The following CREB5 variants were observed in gnomAD, a reference collection of about 807,000 sequenced individuals.
CREB5 encodes the protein cAMP responsive element binding protein 5.
A neutral mutation model predicts 57.1 loss-of-function variants in CREB5; 19 were observed. That is an observed-to-expected ratio of 0.33 (90% CI 0.23 to 0.49). The LOEUF is 0.49. Among genes scored for constraint, CREB5 ranks in the 20% least tolerant of loss-of-function variants. The probability of loss-of-function intolerance (pLI) is 0.99; values close to 1 mark genes in which losing one functional copy is unlikely to be tolerated. For synonymous variants in CREB5, 238 were observed against 238.3 expected, an observed-to-expected ratio of 1.00 and a Z score of 0.01; for missense variants, 579 against 671.6, an observed-to-expected ratio of 0.86 and a Z score of 1.52.
intron 4 of CREB5, among the ~76,000 whole-genome samples, chr7:28,513,183 C>G (rs1792790543): frequency 6.6e-6 from 1 of 152,220 alleles, no homozygotes; most frequent in African/African-American, 2.4e-5. Flanking sequence ...AGCCGCTAGC[C>G]AGCATCGCTG....
intron 1 of CREB5, among the ~76,000 whole-genome samples, chr7:28,393,768 T>C (rs2127998287): frequency 6.6e-6 from 1 of 152,166 alleles, no homozygotes; most frequent in East Asian, 1.9e-4. Context: ...ACCTGTGAAA[T>C]GGTGTAGTGT....
intron 1 of CREB5, among the ~76,000 whole-genome samples, chr7:28,385,755 T>A (rs533457828): frequency 1.3e-5 from 2 of 152,056 alleles, no homozygotes; most frequent in African/African-American, 4.8e-5. Flanking sequence ...GTTTTTAGAA[T>A]AAAAATATAA....
At chr7:28,319,693 A>C (rs1463365825) in intron 1 of CREB5, among the ~76,000 whole-genome samples, 1 of 152,082 alleles carries the variant, frequency 6.6e-6, no homozygotes, top group Non-Finnish European at 1.5e-5. Flanking sequence ...CAAAGGCAGC[A>C]CCAGAAGGGT....
At position 28,825,744 on chromosome 7, in the gene CREB5, T is replaced by C. The variant is rs973986402; in HGVS notation, c.*6465T>C. On this transcript the variant is annotated 3_prime_UTR_variant, in exon 11 of 11. Coordinates refer to ENST00000357727, the MANE Select transcript of CREB5 (RefSeq NM_182898.4). ...TTTGTTGCATCGTGAACACATTTAT[T>C]GTTACCAATGGACAATGAGTTCATT... 1 of 152,682 alleles carries C rather than the reference T, an allele frequency of 6.5e-6. No homozygotes were observed. The highest frequency in any genetic ancestry group is 2.4e-5 in the African/African-American group (1 of 41,472). 9.5% of individuals were successfully genotyped at this position (152,682 alleles called of 1,614,324 possible).
chr7:28,377,943 AAAC>A lies in CREB5; in HGVS notation c.-25+78505_-25+78507del, dbSNP rs1404779203. 1.4e-5 allele frequency among the ~76,000 whole-genome samples: 2 copies of A among 148,044 alleles called. 1 individual carries two copies. On this transcript the variant is annotated intron_variant, in intron 1 of 9. Coordinates refer to the CREB5 transcript ENST00000396299. ...CGAGACTCTATCTCAAAAAAAAAAA[AAAC>A]AAAAAAGAAAAAGAAAAAGAAAAAA...
intron 5 of CREB5, among the ~76,000 whole-genome samples, chr7:28,605,902 A>G (rs1411407197): frequency 2.0e-5 from 3 of 152,178 alleles, no homozygotes; most frequent in African/African-American, 7.2e-5. Context: ...GCAGGAGAGA[A>G]TTTTTTGAGG....
chr7:28,460,004 C>T (rs1008844346), intron 1 of CREB5, among the ~76,000 whole-genome samples: 3 of 152,172 alleles, frequency 2.0e-5, no homozygotes, highest in Non-Finnish European at 4.4e-5. Flanking sequence ...TCCTGTCCTG[C>T]GATTGCATCT....
intron 5 of CREB5, among the ~76,000 whole-genome samples, chr7:28,698,252 T>G (rs2128735357): frequency 6.6e-6 from 1 of 151,914 alleles, no homozygotes; most frequent in South Asian, 2.1e-4. Context: ...TGAATCTTTT[T>G]GACAACAACT....
chr7:28,561,033 T>TGTGCGTGCGTGTGC (rs138221456), intron 4 of CREB5, among the ~76,000 whole-genome samples: 1 of 83,470 alleles, frequency 1.2e-5, no homozygotes, highest in African/African-American at 4.4e-5. Context: ...TGCGTGTGTG[T>TGTGCGTGCGTGTGC]GTGTGTGTGT....
At chr7:28,609,911 A>G (rs1019715039) in intron 5 of CREB5, among the ~76,000 whole-genome samples, 1 of 152,204 alleles carries the variant, frequency 6.6e-6, no homozygotes, top group African/African-American at 2.4e-5. Flanking sequence ...GTGAGTTACT[A>G]TTGTGAGGAG....
At chr7:28,302,998 A>C (rs1269596606) in intron 1 of CREB5, among the ~76,000 whole-genome samples, 1 of 152,190 alleles carries the variant, frequency 6.6e-6, no homozygotes, top group Non-Finnish European at 1.5e-5. Flanking sequence ...GCATAGGTCT[A>C]TATTGCTAGT....
chr7:28,499,803 G>A (rs1471238647), intron 3 of CREB5, among the ~76,000 whole-genome samples: 3 of 152,046 alleles, frequency 2.0e-5, no homozygotes, highest in Non-Finnish European at 4.4e-5. Flanking sequence ...GGCTGGTCTC[G>A]AACTCTCAAC....
intron 5 of CREB5, among the ~76,000 whole-genome samples, chr7:28,679,432 T>C (rs1800483669): frequency 6.6e-6 from 1 of 152,176 alleles, no homozygotes; most frequent in Non-Finnish European, 1.5e-5. Context: ...GGCAGGCATT[T>C]ACTTTGCAAG....
intron 1 of CREB5, among the ~76,000 whole-genome samples, chr7:28,382,092 G>C (rs1223566208): frequency 6.6e-6 from 1 of 152,202 alleles, no homozygotes; most frequent in Non-Finnish European, 1.5e-5. Flanking sequence ...GCCACTGGTT[G>C]CAAGTCCCAG....
chr7:28,731,039 A>G (rs2128751564), intron 7 of CREB5, among the ~76,000 whole-genome samples: 1 of 152,308 alleles, frequency 6.6e-6, no homozygotes, highest in African/African-American at 2.4e-5. Flanking sequence ...TAAATATTGG[A>G]GAGGAGTCTT....
chr7:28,712,155 A>G (rs1802426051), intron 5 of CREB5, among the ~76,000 whole-genome samples: 2 of 152,110 alleles, frequency 1.3e-5, no homozygotes, highest in African/African-American at 4.8e-5. Context: ...TTACAATGTA[A>G]TTATTACCTG....
intron 5 of CREB5, among the ~76,000 whole-genome samples, chr7:28,708,219 C>T (rs547376319): frequency 9.8e-5 from 15 of 152,336 alleles, no homozygotes; most frequent in South Asian, 4.1e-4. Flanking sequence ...CCTCTCAGCA[C>T]GCTATCACTT....
intron 5 of CREB5, chr7:28,686,220 T>C (rs1453134212): frequency 8.8e-6 from 14 of 1,586,884 alleles, no homozygotes; most frequent in Non-Finnish European, 1.2e-5. Flanking sequence ...TTTTATTTTC[T>C]TTTCTCCTGA....
At chr7:28,671,650 T>C (rs1466616901) in intron 5 of CREB5, among the ~76,000 whole-genome samples, 1 of 152,212 alleles carries the variant, frequency 6.6e-6, no homozygotes, top group African/African-American at 2.4e-5. Flanking sequence ...CAGTTCTTAT[T>C]TGTTTTGTTT....
Sources: gnomAD v4.1 joint callset for allele counts (sites outside exome capture counted in the v4.1 genomes callset) on GRCh38, gnomAD v4.1.1 for gene constraint, MANE v1.5 for transcripts, NCBI Gene and HGNC (gene_info 2026-07-23, HGNC 2026-07-21) for gene names.